Variants in ADAMTSL1 observed in about 807,000 individuals in gnomAD.
ADAMTSL1 encodes the protein ADAMTS-like protein 1.
ADAMTSL1 carries 126 observed loss-of-function variants against 201.8 expected under a neutral mutation model. That is an observed-to-expected ratio of 0.62 (90% CI 0.54 to 0.72). The LOEUF (loss-of-function observed/expected upper bound fraction) is 0.72, where lower values mean the gene tolerates loss of function less well. Among genes scored for constraint, ADAMTSL1 ranks in the 30% least tolerant of loss-of-function variants. ADAMTSL1 has a pLI of 0.00. For synonymous variants in ADAMTSL1, 1,121 were observed against 903.4 expected (o/e 1.24, Z -4.32); for missense variants, 2,679 against 2,277.8 (o/e 1.18, Z -3.59).
intron 2 of ADAMTSL1, among the ~76,000 whole-genome samples, chr9:18,184,598 A>C (rs1036973081): frequency 2.6e-4 from 39 of 152,256 alleles, no homozygotes; most frequent in African/African-American, 8.4e-4. Context: ...GTCCTGGCCT[A>C]CTGCCATGAG....
intron 2 of ADAMTSL1, among the ~76,000 whole-genome samples, chr9:18,368,206 C>T (rs1401817565): frequency 6.6e-6 from 1 of 152,182 alleles, no homozygotes; most frequent in African/African-American, 2.4e-5. Context: ...TGAGCCACCG[C>T]GCCTGGCTGA....
chr9:18,750,356 G>A (rs2133596573), intron 15 of ADAMTSL1, among the ~76,000 whole-genome samples: 1 of 152,252 alleles, frequency 6.6e-6, no homozygotes, highest in East Asian at 1.9e-4. Context: ...TGGCTTTTGA[G>A]CTTATGATAT....
rs192166284 is a variant in ADAMTSL1, at chr9:18,233,022, T to A, written c.207+69041T>A. ...TCAAAGGTGGAAGACATTGCTATTA[T>A]CATCTCTACATCTCATCTAGGAAAC... On this transcript the variant is annotated intron_variant, in intron 2 of 29. Coordinates refer to the ADAMTSL1 transcript ENST00000680146. 2.0e-5 allele frequency among the ~76,000 whole-genome samples: 3 copies of A among 152,302 alleles called. No individual in the cohort carries two copies. In the East Asian group the frequency reaches 5.8e-4, roughly 29 times the overall value.
chr9:18,181,610 T>C (rs1828481999), intron 2 of ADAMTSL1, among the ~76,000 whole-genome samples: 1 of 152,152 alleles, frequency 6.6e-6, no homozygotes, highest in Non-Finnish European at 1.5e-5. Context: ...CCATTTAGAA[T>C]GGCGATCATT....
chr9:17,968,524 G>T (rs1189843102), intron 1 of ADAMTSL1, among the ~76,000 whole-genome samples: 1 of 152,058 alleles, frequency 6.6e-6, no homozygotes, highest in Non-Finnish European at 1.5e-5. Context: ...AGTGTGCATT[G>T]TTTCATCTGG....
chr9:18,254,411 G>A (rs1831593435), intron 2 of ADAMTSL1, among the ~76,000 whole-genome samples: 1 of 120,900 alleles, frequency 8.3e-6, no homozygotes. Context: ...CCCCCAGGCT[G>A]GAGTACAGTG....
At chr9:18,761,060 TA>T (rs1421128207) in intron 16 of ADAMTSL1, among the ~76,000 whole-genome samples, 3 of 152,184 alleles carry the variant, frequency 2.0e-5, no homozygotes, top group African/African-American at 7.2e-5. Context: ...GGGTACTCAA[TA>T]AATGTTTGGT....
chr9:18,658,817 C>T (rs979946464), intron 8 of ADAMTSL1, among the ~76,000 whole-genome samples: 1 of 152,140 alleles, frequency 6.6e-6, no homozygotes, highest in Non-Finnish European at 1.5e-5. Context: ...AACTTTTATG[C>T]TTTTATAATA....
intron 1 of ADAMTSL1, among the ~76,000 whole-genome samples, chr9:18,065,744 GC>G (rs1159458838): frequency 6.6e-6 from 1 of 152,116 alleles, no homozygotes; most frequent in African/African-American, 2.4e-5. Context: ...ACTTTGGGAG[GC>G]CGAGGCGGGT....
At chr9:18,542,752 A>G (rs568060603) in intron 3 of ADAMTSL1, among the ~76,000 whole-genome samples, 1 of 152,330 alleles carries the variant, frequency 6.6e-6, no homozygotes, top group East Asian at 1.9e-4. Flanking sequence ...CTAGTCAACT[A>G]GTATACTACC....
chr9:18,528,147 G>T (rs1819211652), intron 2 of ADAMTSL1, among the ~76,000 whole-genome samples: 2 of 151,960 alleles, frequency 1.3e-5, no homozygotes, highest in African/African-American at 4.8e-5. Context: ...CAAAGTGCTG[G>T]GATTACAGGC....
At chr9:18,396,740 C>A (rs951057511) in intron 2 of ADAMTSL1, among the ~76,000 whole-genome samples, 2 of 151,984 alleles carry the variant, frequency 1.3e-5, no homozygotes, top group African/African-American at 2.4e-5. Flanking sequence ...CAAGGTTTAA[C>A]CACTCACATT....
chr9:18,728,254 A>G (rs1262032409), intron 15 of ADAMTSL1, among the ~76,000 whole-genome samples: 1 of 152,176 alleles, frequency 6.6e-6, no homozygotes, highest in Non-Finnish European at 1.5e-5. Context: ...TTCTAAAGAG[A>G]TAGAAACATC....
At chr9:18,107,986 C>A (rs1824835578) in intron 1 of ADAMTSL1, among the ~76,000 whole-genome samples, 1 of 152,048 alleles carries the variant, frequency 6.6e-6, no homozygotes, top group South Asian at 2.1e-4. Context: ...CTGAAAGAAT[C>A]CTGTTTCTAA....
At position 18,533,273 on chromosome 9, in the gene ADAMTSL1, A is replaced by G. The variant is rs1260564925; in HGVS notation, c.218A>G (p.Tyr73Cys). 2 of 1,609,088 alleles carry G rather than the reference A, an allele frequency of 1.2e-6. No individual in the cohort carries two copies. Among genetic ancestry groups the G allele is most frequent in the East Asian group, 4.5e-5 (2 of 44,602 alleles). ...AGCTGTGAAGGAAGAAATATCCGAT[A>G]CAGAACATGCAGTAATGTGGTAAGT... ...SKSCEGRNIR[Y>C]RTCSNVDCPP... The change falls in exon 3 of 29, where the codon TAC becomes TGC. Residue 73 changes from tyrosine (Y) to cysteine (C), a missense_variant. Tyr to Cys is a radical substitution (Grantham distance 194, BLOSUM62 -2). Transcript: ENST00000380548.
intron 2 of ADAMTSL1, among the ~76,000 whole-genome samples, chr9:18,199,107 T>C (rs1269909532): frequency 1.9e-5 from 2 of 105,728 alleles, no homozygotes; most frequent in African/African-American, 7.4e-5. Context: ...TGGGGACTGT[T>C]GTGGGGTCGG....
At chr9:18,661,538 C>T (rs1192953516) in intron 8 of ADAMTSL1, among the ~76,000 whole-genome samples, 1 of 151,996 alleles carries the variant, frequency 6.6e-6, no homozygotes, top group Non-Finnish European at 1.5e-5. Context: ...CCCTAGTGCC[C>T]CAGGTACTAA....
intron 1 of ADAMTSL1, among the ~76,000 whole-genome samples, chr9:18,128,457 G>T (rs1422891035): frequency 6.6e-6 from 1 of 152,108 alleles, no homozygotes; most frequent in Non-Finnish European, 1.5e-5. Flanking sequence ...CGACTTCCCA[G>T]GCTCAAGTGA....
At chr9:17,977,240 T>C (rs1163548137) in intron 1 of ADAMTSL1, among the ~76,000 whole-genome samples, 1 of 152,090 alleles carries the variant, frequency 6.6e-6, no homozygotes, top group African/African-American at 2.4e-5. Flanking sequence ...ATTTTATTGA[T>C]GATTTTTATG....
Sources: gnomAD v4.1 joint callset for allele counts (sites outside exome capture counted in the v4.1 genomes callset) on GRCh38, gnomAD v4.1.1 for gene constraint, MANE v1.5 for transcripts, NCBI Gene and HGNC (gene_info 2026-07-23, HGNC 2026-07-21) for gene names.